Variants in USP28 observed in about 807,000 individuals in gnomAD.
The protein encoded by USP28 is ubiquitin carboxyl-terminal hydrolase 28.
USP28 carries 113 observed loss-of-function variants against 145.0 expected under a neutral mutation model. The ratio of observed to expected loss-of-function variants is 0.78; its 90% confidence interval spans 0.67 to 0.91. USP28 has a LOEUF of 0.91. Among genes scored for constraint, USP28 ranks in the 40% least tolerant of loss-of-function variants. The pLI is 0.00. For synonymous variants in USP28, 447 were observed against 450.9 expected, an observed-to-expected ratio of 0.99 and a Z score of 0.11; for missense variants, 1,201 against 1,289.6, an observed-to-expected ratio of 0.93 and a Z score of 1.05.
chr11:113,812,354 C>G (rs1347071497), exon 16 of USP28: 1 of 1,614,134 alleles, frequency 6.2e-7, no homozygotes, highest in African/African-American at 1.3e-5. Context: ...CCATAGGAAT[C>G]TCTTTCAACT....
chr11:113,842,537 A>G (rs1412314230), intron 3 of USP28, among the ~76,000 whole-genome samples: 1 of 151,480 alleles, frequency 6.6e-6, no homozygotes, highest in African/African-American at 2.4e-5. Context: ...GGGAGCCAAG[A>G]CCACGCCACT....
intron 18 of USP28, among the ~76,000 whole-genome samples, chr11:113,807,703 T>A (rs1272344632): frequency 6.6e-6 from 1 of 152,118 alleles, no homozygotes; most frequent in Non-Finnish European, 1.5e-5. Flanking sequence ...TTCTGAGCCA[T>A]CTAGACTCTG....
chr11:113,855,169 G>T (rs545649511), intron 1 of USP28, among the ~76,000 whole-genome samples: 29 of 152,272 alleles, frequency 1.9e-4, no homozygotes, highest in African/African-American at 6.5e-4. Context: ...ATTTCAAAGG[G>T]TATAAAGTAT....
At chr11:113,805,566 T>C (rs974905415) in intron 19 of USP28, among the ~76,000 whole-genome samples, 11 of 152,306 alleles carry the variant, frequency 7.2e-5, no homozygotes, top group African/African-American at 2.6e-4. Context: ...TACTGTACTC[T>C]TAAGAAATTC....
intron 21 of USP28, among the ~76,000 whole-genome samples, chr11:113,804,222 A>G (rs1028692389): frequency 6.6e-6 from 1 of 152,244 alleles, no homozygotes; most frequent in Admixed American, 6.5e-5. Flanking sequence ...GATATTGAAA[A>G]TATGGAAGGA....
At chr11:113,831,123 G>C in intron 8 of USP28, 180 bp from the exon 9 acceptor site, 2 of 615,090 alleles carry the variant, frequency 3.3e-6, no homozygotes, top group Non-Finnish European at 5.7e-6. Context: ...CTTCTTTCGA[G>C]CATTGTGCTA....
chr11:113,827,616 C>A (rs1943529026), intron 10 of USP28, among the ~76,000 whole-genome samples: 3 of 152,148 alleles, frequency 2.0e-5, no homozygotes, highest in Admixed American at 2.0e-4. Flanking sequence ...TTTTACTCAA[C>A]CATCATCCTC....
At chr11:113,821,742 G>T in intron 12 of USP28, 1 of 197,932 alleles carries the variant, frequency 5.1e-6, no homozygotes, top group South Asian at 9.7e-5. Context: ...TGTCTTGCTA[G>T]GGGGCTGGTT....
rs764785803 is a variant in USP28, at chr11:113,854,284, G to A, written c.109C>T (p.Pro37Ser). 1.1e-5 allele frequency: 17 copies of A among 1,613,842 alleles called. No homozygotes were observed. The South Asian group carries it at 1.8e-4, about 17-fold the overall frequency. The stretch of plus-strand genomic sequence containing the variant: ...TTCAGAGCTTCATGGAGAAAGGAAG[G>A]GTCCTGAATGCCTGTGATTTCTCTC... The change falls in exon 2 of 25, where the codon CCT becomes TCT. Residue 37 changes from proline (P) to serine (S), a missense_variant. Physicochemically the swap from Pro to Ser is moderately conservative, Grantham distance 74. Coordinates refer to ENST00000003302, the Ensembl canonical transcript of USP28.
At chr11:113,844,733 CA>C (rs1945628291) in intron 3 of USP28, among the ~76,000 whole-genome samples, 1 of 152,004 alleles carries the variant, frequency 6.6e-6, no homozygotes, top group Admixed American at 6.6e-5. Context: ...GGACAGCTAT[CA>C]AAAAATAATA....
At chr11:113,845,110 C>T (rs1945672092) in intron 3 of USP28, among the ~76,000 whole-genome samples, 1 of 143,532 alleles carries the variant, frequency 7.0e-6, no homozygotes, top group Non-Finnish European at 1.5e-5. Context: ...ACAGTGAGAC[C>T]CTTCTCAAAA....
rs182427606 is a variant in USP28, at chr11:113,815,039, G to A, written c.1672+135C>T. On this transcript the variant is annotated intron_variant, in intron 14 of 24. Transcript: ENST00000003302. ...TGCACTCCAGCCTGGGTGATAGAGT[G>A]AGACTCCATCTCGGCGGGGGGGAAA... is the stretch of plus-strand genomic sequence containing the variant. The A allele has an allele frequency of 4.4e-4, 343 of 787,598 alleles. 2 individuals carry two copies. In the East Asian group the frequency reaches 9.1e-3, roughly 21 times the overall value. The allele number at this position is 787,598 out of a possible 1,614,324, so 48.8% of individuals were successfully genotyped here. A position where few individuals can be genotyped will look rare whatever the true frequency, so the allele number is the denominator to read the frequency against.
In USP28 at chr11:113,803,070, G is replaced by A. The variant is rs550044973; in HGVS notation, c.2862+88C>T. 48 of 1,378,356 alleles carry A rather than the reference G, an allele frequency of 3.5e-5. No homozygotes were observed. In the African/African-American group the frequency reaches 5.9e-4, roughly 17 times the overall value. The allele number at this position is 1,378,356 out of a possible 1,614,324, so 85.4% of individuals were successfully genotyped here. On this transcript the variant is annotated intron_variant, in intron 23 of 24. Transcript: ENST00000003302. Reference sequence around the variant, plus strand: ...GGAAATCTACAACCTGTTGGAGATAGTCTGTTTTGAAAGCCATATATTTTC... The same window carrying A: ...GGAAATCTACAACCTGTTGGAGATAATCTGTTTTGAAAGCCATATATTTTC...
intron 1 of USP28, among the ~76,000 whole-genome samples, chr11:113,866,688 A>C (rs1390471543): frequency 6.6e-6 from 1 of 152,216 alleles, no homozygotes; most frequent in East Asian, 1.9e-4. Context: ...ACCCTTGTGT[A>C]TTGCTGGTGG....
At chr11:113,802,656 C>A (rs1029970117) in intron 23 of USP28, among the ~76,000 whole-genome samples, 1 of 152,154 alleles carries the variant, frequency 6.6e-6, no homozygotes, top group Non-Finnish European at 1.5e-5. Flanking sequence ...ATGATGTTAT[C>A]AGAACAGCAG....
chr11:113,817,501 C>T (rs1941912458), intron 13 of USP28, among the ~76,000 whole-genome samples, 157 bp downstream of exon 13: 1 of 152,192 alleles, frequency 6.6e-6, no homozygotes, highest in African/African-American at 2.4e-5. Context: ...CCCACTCCCA[C>T]CCAAGTGACA....
At chr11:113,831,811 A>T in intron 8 of USP28, 109 bp downstream of exon 8, 1 of 1,002,422 alleles carries the variant, frequency 1.0e-6, no homozygotes, top group Non-Finnish European at 1.5e-6. Flanking sequence ...CCCAGGAGGT[A>T]TGGTTAAAAA....
intron 1 of USP28, among the ~76,000 whole-genome samples, chr11:113,854,706 A>AT (rs1365133216): frequency 6.6e-6 from 1 of 152,064 alleles, no homozygotes; most frequent in Non-Finnish European, 1.5e-5. Flanking sequence ...ACGGCCCTGC[A>AT]TTTTTTTACT....
intron 15 of USP28, 118 bp downstream of exon 15, chr11:113,813,767 G>A (rs2135449136): frequency 2.5e-6 from 2 of 785,506 alleles, no homozygotes; most frequent in East Asian, 5.3e-5. Flanking sequence ...TATATCTTAA[G>A]TTTATTCTTT....
Sources: allele counts gnomAD v4.1 joint callset (sites outside exome capture counted in the v4.1 genomes callset), GRCh38; gene constraint gnomAD v4.1.1; transcripts MANE v1.5; gene names NCBI Gene and HGNC (gene_info 2026-07-23, HGNC 2026-07-21).